SGCZ: variants seen among roughly 807,000 people sequenced by gnomAD.
SGCZ encodes the protein sarcoglycan zeta.
In SGCZ, 40 loss-of-function variants were observed where a neutral mutation model predicts 41.3. The observed-to-expected ratio is 0.97, with a 90% confidence interval of 0.75 to 1.26. SGCZ has a LOEUF of 1.26. SGCZ is among the 50% of genes most tolerant of loss of function. SGCZ has a pLI of 0.00. For synonymous variants in SGCZ, 206 were observed against 137.5 expected (o/e 1.50, Z -3.49); for missense variants, 552 against 369.8 (o/e 1.49, Z -4.04).
chr8:14,698,491 A>G (rs939749000), intron 1 of SGCZ, among the ~76,000 whole-genome samples: 1 of 151,900 alleles, frequency 6.6e-6, no homozygotes, highest in Non-Finnish European at 1.5e-5. Context: ...AAGCTATAAA[A>G]CACACCTAAT....
At position 14,501,889 on chromosome 8, in the gene SGCZ, G is replaced by A. The variant is rs184590582; in HGVS notation, c.234+52843C>T. Among the ~76,000 whole-genome samples, 284 of 151,732 alleles carry A rather than the reference G, an allele frequency of 1.9e-3. 1 individual carries two copies. The highest frequency in any genetic ancestry group is 2.7e-3 in the Non-Finnish European group (185 of 67,912). ...TTGCCAATATAATATCTTTTTATTG[G>A]TAAATGTATATTGAAATAAAAATCA... On this transcript the variant is annotated intron_variant, in intron 2 of 7. Coordinates refer to ENST00000382080, the MANE Select transcript of SGCZ (RefSeq NM_139167.4).
chr8:14,298,459 T>G (rs1481584979), intron 3 of SGCZ, among the ~76,000 whole-genome samples: 1 of 151,952 alleles, frequency 6.6e-6, no homozygotes, highest in Non-Finnish European at 1.5e-5. Flanking sequence ...TTCCCAACAC[T>G]ACAATTAGAA....
chr8:15,128,485 T>C (rs781240890), intron 1 of SGCZ, among the ~76,000 whole-genome samples: 1 of 152,238 alleles, frequency 6.6e-6, no homozygotes, highest in Non-Finnish European at 1.5e-5. Flanking sequence ...CCATCTGTTC[T>C]GGGACTCCCC....
In SGCZ at chr8:15,134,312, T is replaced by TTG. The variant is rs767662744; in HGVS notation, c.39+103272_39+103273insCA. ...CAATAGGAGCATTAGGTCTTTTTTTTTTTTGTTTCTTTACTTCCAATAATT... is the reference window on the plus strand; with the variant it reads ...CAATAGGAGCATTAGGTCTTTTTTTTTGTTTTGTTTCTTTACTTCCAATAATT... On this transcript the variant is annotated intron_variant, in intron 1 of 7. Transcript: ENST00000382080. 2.3e-4 allele frequency among the ~76,000 whole-genome samples: 35 copies of TTG among 151,106 alleles called. No homozygotes were observed. The South Asian group carries it at 2.7e-3, about 12-fold the overall frequency.
At chr8:15,184,621 A>T (rs900784301) in intron 1 of SGCZ, among the ~76,000 whole-genome samples, 1 of 152,026 alleles carries the variant, frequency 6.6e-6, no homozygotes, top group Admixed American at 6.6e-5. Context: ...GGGAGTCCCC[A>T]GCAGGAAACT....
chr8:14,572,356 C>A (rs1804580343), intron 1 of SGCZ, among the ~76,000 whole-genome samples: 1 of 152,108 alleles, frequency 6.6e-6, no homozygotes, highest in Non-Finnish European at 1.5e-5. Context: ...CACATCTTAA[C>A]ACTGACTAAT....
In SGCZ at chr8:14,134,171, A is replaced by G. The variant is rs574222258; in HGVS notation, c.548-25936T>C. ...TTGTATACACTGCATTTTCAAACAT[A>G]TTCTTGACAGGAGAAAACTTCCATT... On this transcript the variant is annotated intron_variant, in intron 5 of 7. Coordinates refer to ENST00000382080, the MANE Select transcript of SGCZ (RefSeq NM_139167.4). 9.2e-5 allele frequency among the ~76,000 whole-genome samples: 14 copies of G among 152,354 alleles called. No homozygotes were observed. The South Asian group carries it at 2.9e-3, about 32-fold the overall frequency.
At chr8:14,733,471 A>G (rs1202522318) in intron 1 of SGCZ, among the ~76,000 whole-genome samples, 3 of 152,162 alleles carry the variant, frequency 2.0e-5, no homozygotes, top group Admixed American at 1.3e-4. Flanking sequence ...TCATGTCCAT[A>G]TCTGTGTCTT....
At chr8:14,572,176 A>G (rs571217818) in intron 1 of SGCZ, among the ~76,000 whole-genome samples, 47 of 152,210 alleles carry the variant, frequency 3.1e-4, no homozygotes, top group Non-Finnish European at 6.0e-4. Context: ...GCATTTCAAC[A>G]GTATTTTACT....
At chr8:15,209,552 G>GAAAGAA in intron 1 of SGCZ, among the ~76,000 whole-genome samples, 1 of 60,020 alleles carries the variant, frequency 1.7e-5, no homozygotes, top group Non-Finnish European at 3.9e-5. Flanking sequence ...GAATGAAAGA[G>GAAAGAA]AAAAGAAGCC....
At chr8:14,609,809 G>C (rs568151449) in intron 1 of SGCZ, among the ~76,000 whole-genome samples, 2 of 152,044 alleles carry the variant, frequency 1.3e-5, no homozygotes, top group African/African-American at 4.8e-5. Context: ...GCACAATAGA[G>C]AAACTATTCA....
chr8:14,789,916 G>T (rs1800894260), intron 1 of SGCZ, among the ~76,000 whole-genome samples: 1 of 152,080 alleles, frequency 6.6e-6, no homozygotes, highest in Non-Finnish European at 1.5e-5. Context: ...CATGAAAACA[G>T]AGAATGTTTT....
intron 1 of SGCZ, among the ~76,000 whole-genome samples, chr8:14,840,125 A>G (rs541399930): frequency 8.5e-5 from 13 of 152,264 alleles, no homozygotes; most frequent in African/African-American, 2.6e-4. Context: ...TAAATGTTCA[A>G]TAAAATATTG....
chr8:14,480,547 T>C (rs1801507108), intron 2 of SGCZ, among the ~76,000 whole-genome samples: 1 of 151,818 alleles, frequency 6.6e-6, no homozygotes, highest in African/African-American at 2.4e-5. Flanking sequence ...CGTAATTCTT[T>C]ATACTCAATT....
intron 4 of SGCZ, among the ~76,000 whole-genome samples, chr8:14,200,461 A>G (rs920525796): frequency 6.6e-6 from 1 of 152,170 alleles, no homozygotes; most frequent in Admixed American, 6.5e-5. Flanking sequence ...ATGGCTCACT[A>G]TAAAGAATCA....
chr8:14,499,713 T>C (rs779363572), intron 2 of SGCZ, among the ~76,000 whole-genome samples: 1 of 152,088 alleles, frequency 6.6e-6, no homozygotes. Flanking sequence ...AAATTCTGTA[T>C]TTATTTTGCA....
chr8:15,181,246 C>T (rs1253841451), intron 1 of SGCZ, among the ~76,000 whole-genome samples: 1 of 152,052 alleles, frequency 6.6e-6, no homozygotes, highest in Non-Finnish European at 1.5e-5. Context: ...GTTTTTTATA[C>T]AAATTAGAAT....
intron 5 of SGCZ, among the ~76,000 whole-genome samples, chr8:14,120,941 A>G (rs73522403): frequency 0.19 from 28,401 of 152,102 alleles, 3,524 homozygotes; most frequent in East Asian, 0.65. Context: ...CTAAATCTCT[A>G]TAGAAGAATA....
chr8:15,184,011 G>A (rs560776967), intron 1 of SGCZ, among the ~76,000 whole-genome samples: 1 of 152,256 alleles, frequency 6.6e-6, no homozygotes, highest in Non-Finnish European at 1.5e-5. Context: ...ATACTGAAAG[G>A]TAGAGTGGAA....
Sources: gnomAD v4.1 joint callset for allele counts (sites outside exome capture counted in the v4.1 genomes callset) on GRCh38, gnomAD v4.1.1 for gene constraint, MANE v1.5 for transcripts, NCBI Gene and HGNC (gene_info 2026-07-23, HGNC 2026-07-21) for gene names.